The following SRRM4 variants were observed in gnomAD, a reference collection of about 807,000 sequenced individuals.
SRRM4 encodes the protein serine/arginine repetitive matrix 4, also known as serine/arginine repetitive matrix protein 4.
Under a neutral mutation model 68.9 loss-of-function variants are expected in SRRM4, and 33 were observed. The observed-to-expected ratio is 0.48, with a 90% CI of 0.36 to 0.64. The LOEUF (loss-of-function observed/expected upper bound fraction) is 0.64, where lower values mean the gene tolerates loss of function less well. SRRM4 is among the 30% of genes least tolerant of loss of function. The pLI, the probability that SRRM4 is intolerant of heterozygous loss-of-function variation, is 0.00. For synonymous variants in SRRM4, 318 were observed against 318.8 expected (o/e 1.00, Z 0.03); for missense variants, 817 against 827.1 (o/e 0.99, Z 0.15).
At chr12:119,006,984 G>A (rs965817357) in intron 1 of SRRM4, among the ~76,000 whole-genome samples, 1 of 152,170 alleles carries the variant, frequency 6.6e-6, no homozygotes, top group Non-Finnish European at 1.5e-5. Context: ...TGGCAGCTGC[G>A]GGCCTGCTGG....
chr12:118,994,525 C>T (rs1953337414), intron 1 of SRRM4, among the ~76,000 whole-genome samples: 1 of 152,172 alleles, frequency 6.6e-6, no homozygotes, highest in Non-Finnish European at 1.5e-5. Context: ...GCTCTGCATT[C>T]CCACCCCTCC....
At chr12:119,056,421 G>C (rs1254021589) in intron 1 of SRRM4, among the ~76,000 whole-genome samples, 1 of 152,192 alleles carries the variant, frequency 6.6e-6, no homozygotes, top group Non-Finnish European at 1.5e-5. Flanking sequence ...GGTCCATCGT[G>C]ATGGTCTTAT....
At position 119,113,789 on chromosome 12, in the gene SRRM4, G is replaced by A. The variant is rs192121864; in HGVS notation, c.279-489G>A. ...GAAGAGCGGAGGTTTTTGAGGTTCT[G>A]CGAGGCAATATAAGATACGTATCTC... On this transcript the variant is annotated intron_variant, in intron 2 of 12. Coordinates refer to ENST00000267260, the MANE Select transcript of SRRM4 (RefSeq NM_194286.4). Among the ~76,000 whole-genome samples the A allele has an allele frequency of 3.3e-5, 5 of 152,254 alleles. No homozygotes were observed. In the South Asian group the frequency reaches 6.2e-4, roughly 19 times the overall value.
intron 1 of SRRM4, among the ~76,000 whole-genome samples, chr12:119,045,221 GACTTCCC>G (rs974519925): frequency 6.6e-6 from 1 of 152,150 alleles, no homozygotes; most frequent in Admixed American, 6.5e-5. Flanking sequence ...GCAGGCTCAA[GACTTCCC>G]AAGACTCCAG....
chr12:119,019,933 G>A (rs1319523587), intron 1 of SRRM4, among the ~76,000 whole-genome samples: 2 of 141,892 alleles, frequency 1.4e-5, no homozygotes, highest in Non-Finnish European at 3.1e-5. Flanking sequence ...GGAAAGCTCT[G>A]GACAGTTCCC....
At chr12:119,136,346 T>C (rs1954327985) in intron 8 of SRRM4, among the ~76,000 whole-genome samples, 1 of 152,224 alleles carries the variant, frequency 6.6e-6, no homozygotes, top group Admixed American at 6.5e-5. Context: ...CTTTGAGCTC[T>C]TGCTCAACTG....
chr12:118,999,902 G>C lies in SRRM4; in HGVS notation c.131+17889G>C, dbSNP rs1167286386. On this transcript the variant is annotated intron_variant, in intron 1 of 12. Coordinates refer to ENST00000267260, the MANE Select transcript of SRRM4 (RefSeq NM_194286.4). ...ACTTTATGTATATTTGTGCCTTAGA[G>C]TGGTGCTCTAATACTAGGCACTAAG... Among the ~76,000 whole-genome samples, 3 of 152,300 alleles carry C rather than the reference G, an allele frequency of 2.0e-5. No individual in the cohort carries two copies. The East Asian group carries it at 5.8e-4, about 29-fold the overall frequency.
rs563206854 is a variant in SRRM4, at chr12:119,156,630, C to T, written c.1668C>T (p.Ser556=). 20 of 1,599,674 alleles carry T rather than the reference C, an allele frequency of 1.3e-5. 2 individuals carry two copies. In the South Asian group the frequency reaches 1.5e-4, roughly 12 times the overall value. The change falls in exon 13 of 13, where the codon AGC becomes AGT. Residue 556 remains serine (S), a synonymous_variant. Transcript: ENST00000267260. ...GCTACTCCCGGAGCCGGAGTCGGAG[C>T]CGGAGCCGGAGACGGAGCCGGACCC... ...SRSYSRSRSR[S]RSRRRSRTRT... is the part of the protein sequence containing the mutation.
chr12:119,108,402 G>A (rs1452753822), intron 2 of SRRM4, among the ~76,000 whole-genome samples: 3 of 152,140 alleles, frequency 2.0e-5, no homozygotes, highest in African/African-American at 4.8e-5. Flanking sequence ...TCTGTCTAAT[G>A]TTGACAGTGG....
chr12:119,045,537 G>T (rs996277045), intron 1 of SRRM4, among the ~76,000 whole-genome samples: 1 of 127,058 alleles, frequency 7.9e-6, no homozygotes, highest in African/African-American at 3.0e-5. Context: ...CTCCGTCTTT[G>T]GTCTGTGATT....
rs116258098 is a variant in SRRM4, at chr12:118,986,510, T to C, written c.131+4497T>C. 7.4e-3 allele frequency among the ~76,000 whole-genome samples: 1,132 copies of C among 152,280 alleles called. 15 individuals are homozygous for C. Among genetic ancestry groups the C allele is most frequent in the African/African-American group, 0.026 (1,063 of 41,552 alleles). On this transcript the variant is annotated intron_variant, in intron 1 of 12. Transcript: ENST00000267260. ...GATGCATTAATTAGATGAATGTGCATGGTTCAAACCCAGCAACAGATTAGC... is the reference window on the plus strand; with the variant it reads ...GATGCATTAATTAGATGAATGTGCACGGTTCAAACCCAGCAACAGATTAGC...
intron 1 of SRRM4, among the ~76,000 whole-genome samples, chr12:119,052,633 A>G (rs967499075): frequency 6.6e-6 from 1 of 152,120 alleles, no homozygotes; most frequent in Non-Finnish European, 1.5e-5. Context: ...GGTTCACACC[A>G]TTCTCCTGCC....
chr12:119,134,236 G>C (rs1954314944), intron 8 of SRRM4, among the ~76,000 whole-genome samples: 2 of 152,108 alleles, frequency 1.3e-5, no homozygotes, highest in Non-Finnish European at 2.9e-5. Flanking sequence ...GGAAATCTTA[G>C]TTGGTGAGCT....
At chr12:119,116,908 T>C in intron 3 of SRRM4, 29 bp from the exon 4 acceptor site, 1 of 1,610,958 alleles carries the variant, frequency 6.2e-7, no homozygotes, top group Non-Finnish European at 8.5e-7. Flanking sequence ...AGAGCCTCCT[T>C]CTGAAATGTG....
At position 119,092,822 on chromosome 12, in the gene SRRM4, C is replaced by T. The variant is rs186374317; in HGVS notation, c.132-9414C>T. On this transcript the variant is annotated intron_variant, in intron 1 of 12. Transcript: ENST00000267260. ...AGCCTCCAATGGCATCTCATCTCAC[C>T]GAGAGGAAAGAGCCAAGTCCCTGTG... is the stretch of plus-strand genomic sequence containing the variant. Among the ~76,000 whole-genome samples the T allele has an allele frequency of 3.9e-5, 6 of 152,138 alleles. No homozygotes were observed. In the East Asian group the frequency reaches 5.8e-4, roughly 15 times the overall value.
At position 119,160,587 on chromosome 12, in the gene SRRM4, C is replaced by T. The variant is rs1490908460; in HGVS notation, c.*3789C>T. ...GAGGTCAAGCGCCATGCATCCCAAG[C>T]CTTTGACCTTCCCGCTATGGAAGTG... On this transcript the variant is annotated 3_prime_UTR_variant, in exon 13 of 13. Transcript: ENST00000267260. The T allele has an allele frequency of 6.6e-6, 1 of 152,164 alleles. No individual in the cohort carries two copies. The highest frequency in any genetic ancestry group is 1.5e-5 in the Non-Finnish European group (1 of 68,034). 9.4% of individuals were successfully genotyped at this position (152,164 alleles called of 1,614,324 possible).
At position 118,981,997 on chromosome 12, in the gene SRRM4, C is replaced by A; in HGVS notation, c.115C>A (p.Arg39Ser). Residue 39 changes from arginine (R) to serine (S), a missense_variant, in exon 1 of 13, where the codon CGC becomes AGC. By Grantham distance (110) the Arg-to-Ser change is moderately radical. Transcript: ENST00000267260. The part of the protein sequence containing the change: ...ESIIVASITA[R>S]KPLPRTEPQN... ...CATCATTGTCGCCAGTATCACGGCCCGCAAGCCGCTGCCAAGGTAATGATC... is the reference window on the plus strand; with the variant it reads ...CATCATTGTCGCCAGTATCACGGCCAGCAAGCCGCTGCCAAGGTAATGATC... The A allele has an allele frequency of 6.2e-7, 1 of 1,609,574 alleles. No homozygotes were observed. Among genetic ancestry groups the A allele is most frequent in the African/African-American group, 1.3e-5 (1 of 74,962 alleles).
intron 1 of SRRM4, among the ~76,000 whole-genome samples, chr12:119,039,756 T>C (rs1469691400): frequency 1.3e-5 from 2 of 152,104 alleles, no homozygotes; most frequent in African/African-American, 4.8e-5. Flanking sequence ...CAGTAGAAAA[T>C]GTGACCTGGT....
chr12:119,071,639 T>G lies in SRRM4; in HGVS notation c.132-30597T>G, dbSNP rs1444232338. ...ACACTTTGTCACCTGAAAGAATTCC[T>G]TCAGGCCTCTCCTTAATCAGTCCCC... On this transcript the variant is annotated intron_variant, in intron 1 of 12. Transcript: ENST00000267260. Among the ~76,000 whole-genome samples, 16 of 152,304 alleles carry G rather than the reference T, an allele frequency of 1.1e-4. No homozygotes were observed. In the South Asian group the frequency reaches 3.1e-3, roughly 30 times the overall value.
Sources: allele counts gnomAD v4.1 joint callset (sites outside exome capture counted in the v4.1 genomes callset), GRCh38; gene constraint gnomAD v4.1.1; transcripts MANE v1.5; gene names NCBI Gene and HGNC (gene_info 2026-07-23, HGNC 2026-07-21).